The following BRPF3 variants were observed in gnomAD, a reference collection of about 807,000 sequenced individuals.
BRPF3 encodes bromodomain and PHD finger-containing protein 3.
BRPF3 carries 18 observed loss-of-function variants against 102.0 expected under a neutral mutation model. That is an observed-to-expected ratio of 0.18 (90% confidence interval 0.12 to 0.26). The LOEUF (loss-of-function observed/expected upper bound fraction) is 0.26, where lower values mean the gene tolerates loss of function less well. Ranked by LOEUF, BRPF3 falls within the 10% of genes least tolerant of loss-of-function variation. The pLI is 1.00. For synonymous variants in BRPF3, 570 were observed against 614.2 expected (o/e 0.93, Z 1.06); for missense variants, 1,147 against 1,567.8 (o/e 0.73, Z 4.53).
At chr6:36,227,797 G>T (rs1361128252) in intron 11 of BRPF3, among the ~76,000 whole-genome samples, 1 of 152,192 alleles carries the variant, frequency 6.6e-6, no homozygotes, top group Admixed American at 6.5e-5. Context: ...GGGTAAGGTG[G>T]TTCTTCCTTA....
At chr6:36,204,533 T>A in intron 2 of BRPF3, 125 bp from the exon 3 acceptor site, 1 of 1,078,074 alleles carries the variant, frequency 9.3e-7, no homozygotes, top group South Asian at 1.3e-5. Flanking sequence ...GGTGAGGTAT[T>A]TGGCCATTTT....
At chr6:36,208,136 G>T (rs1767969914) in intron 4 of BRPF3, among the ~76,000 whole-genome samples, 1 of 152,222 alleles carries the variant, frequency 6.6e-6, no homozygotes, top group African/African-American at 2.4e-5. Context: ...AAAGAGCTTA[G>T]AACAGTGCCT....
In BRPF3 at chr6:36,230,327, C is replaced by A; in HGVS notation, c.3435-99C>A. Reference sequence around the variant, plus strand: ...TTTGCTTCCCTCTGCCCTGTACCCTCTCCCTGGCTTTGCTGGTCCTGGCCA... The same window carrying A: ...TTTGCTTCCCTCTGCCCTGTACCCTATCCCTGGCTTTGCTGGTCCTGGCCA... On this transcript the variant is annotated intron_variant, in intron 12 of 12. Coordinates refer to ENST00000357641, the MANE Select transcript of BRPF3 (RefSeq NM_015695.3). The surrounding 1 kb of genome is among the most constrained non-coding windows in gnomAD (Gnocchi z 5.4). 1 of 1,259,882 alleles carries A rather than the reference C, an allele frequency of 7.9e-7. No individual in the cohort carries two copies. Among genetic ancestry groups the A allele is most frequent in the Non-Finnish European group, 1.1e-6 (1 of 884,422 alleles). 78.0% of individuals were successfully genotyped at this position (1,259,882 alleles called of 1,614,324 possible). A position where few individuals can be genotyped will look rare whatever the true frequency, so the allele number is the denominator to read the frequency against.
rs1339352480 is a variant in BRPF3, at chr6:36,210,051, G to T, written c.1866+136G>T. ...TGGGTCTGGCAAAGCTAGTAGACTT[G>T]CCCTTGATGAGGGGTCAGCAGGCCA... On this transcript the variant is annotated intron_variant, in intron 5 of 12. Transcript: ENST00000357641. This position sits in a 1 kb window ranked among gnomAD's most constrained non-coding sequence, Gnocchi z 4.7. The T allele has an allele frequency of 7.0e-7, 1 of 1,429,964 alleles. No individual in the cohort carries two copies. The highest frequency in any genetic ancestry group is 9.6e-7 in the Non-Finnish European group (1 of 1,041,252). 88.6% of individuals were successfully genotyped at this position (1,429,964 alleles called of 1,614,324 possible).
intron 10 of BRPF3, among the ~76,000 whole-genome samples, chr6:36,223,944 G>A (rs1228052066): frequency 6.6e-6 from 1 of 152,304 alleles, no homozygotes; most frequent in East Asian, 1.9e-4. Flanking sequence ...TGCATCAGTA[G>A]TATGTGATTG....
chr6:36,201,072 T>C lies in BRPF3; in HGVS notation c.750T>C (p.Pro250=), dbSNP rs943575689. The C allele has an allele frequency of 3.7e-6, 6 of 1,613,998 alleles. No individual in the cohort carries two copies. The African/African-American group carries it at 5.3e-5, about 14-fold the overall frequency. ...AGTGCTATGGCGTCCCATACATCCCTGAGGGCCAGTGGCTATGCCGCTGCT... is the reference window on the plus strand; with the variant it reads ...AGTGCTATGGCGTCCCATACATCCCCGAGGGCCAGTGGCTATGCCGCTGCT... The part of the protein sequence containing the change: ...HQECYGVPYI[P]EGQWLCRCCL... Residue 250 remains proline, a synonymous_variant, in exon 2 of 13, where the codon CCT becomes CCC. Coordinates refer to ENST00000357641, the MANE Select transcript of BRPF3 (RefSeq NM_015695.3). This position sits in a 1 kb window ranked among gnomAD's most constrained non-coding sequence, Gnocchi z 5.1.
chr6:36,204,640 C>T lies in BRPF3; in HGVS notation c.1449-18C>T, dbSNP rs772017988. The T allele has an allele frequency of 8.1e-6, 13 of 1,614,036 alleles. No homozygotes were observed. Among genetic ancestry groups the T allele is most frequent in the Admixed American group, 3.3e-5 (2 of 60,004 alleles). On this transcript the variant is annotated intron_variant, in intron 2 of 12. Coordinates refer to ENST00000357641, the MANE Select transcript of BRPF3 (RefSeq NM_015695.3). ...GCCCACTGACCTTGTCTTTCACTTC[C>T]GTGTGCCTCTACTCAAGGTTGAACA...
Position 36,210,527 on chromosome 6 carries a change from C to T in BRPF3, c.2178C>T (p.Asp726=), listed in dbSNP as rs760345228. The T allele has an allele frequency of 1.6e-5, 26 of 1,582,620 alleles. No individual in the cohort carries two copies. In the South Asian group the frequency reaches 1.7e-4, roughly 10 times the overall value. ...LEDFYRFSWE[D]VDNILIPENR... ...ACTTTTACCGCTTCTCCTGGGAAGA[C>T]GGTGAGAGGCCTGGATGGGTGGGGA... The change falls in exon 6 of 13, where the codon GAC becomes GAT. Residue 726 remains aspartate (D), a splice_region_variant and synonymous_variant. Transcript: ENST00000357641. This position sits in a 1 kb window ranked among gnomAD's most constrained non-coding sequence, Gnocchi z 4.7.
chr6:36,221,281 CTTTTTTTTTTTTT>C (rs35018880), intron 9 of BRPF3, among the ~76,000 whole-genome samples: 1 of 76,706 alleles, frequency 1.3e-5, no homozygotes, highest in Non-Finnish European at 2.6e-5. Context: ...AATTGGTCTA[CTTTTTTTTTTTTT>C]TTTTTTTTTT....
chr6:36,198,216 GTTTT>G (rs1174411272), intron 1 of BRPF3, among the ~76,000 whole-genome samples: 1 of 152,162 alleles, frequency 6.6e-6, no homozygotes, highest in Non-Finnish European at 1.5e-5. Flanking sequence ...AGCCAAATTG[GTTTT>G]TTGTTTGTTT....
Position 36,201,119 on chromosome 6 carries a change from C to A in BRPF3, c.797C>A (p.Pro266His), listed in dbSNP as rs371077662. 2 of 1,614,080 alleles carry A rather than the reference C, an allele frequency of 1.2e-6. No individual in the cohort carries two copies. The highest frequency in any genetic ancestry group is 1.6e-4 in the Middle Eastern group (1 of 6,084). Residue 266 changes from proline to histidine, a missense_variant, in exon 2 of 13, where the codon CCT becomes CAT. Pro to His is a moderately conservative substitution (Grantham distance 77, BLOSUM62 -2). Coordinates refer to ENST00000357641, the MANE Select transcript of BRPF3 (RefSeq NM_015695.3). This position sits in a 1 kb window ranked among gnomAD's most constrained non-coding sequence, Gnocchi z 5.1. The part of the protein sequence containing the change: ...CRCCLQSPSR[P>H]VDCILCPNKG... ...TGCTGCCTGCAGTCTCCCTCCCGGC[C>A]TGTGGATTGCATCCTTTGCCCCAAT...
At chr6:36,211,708 T>A in intron 7 of BRPF3, 148 bp downstream of exon 7, 1 of 869,542 alleles carries the variant, frequency 1.2e-6, no homozygotes, top group Non-Finnish European at 1.7e-6. Context: ...CACTTCCATG[T>A]ATACGCAGGG....
intron 9 of BRPF3, 59 bp downstream of exon 9, chr6:36,218,069 A>C: frequency 3.5e-6 from 5 of 1,435,510 alleles, no homozygotes; most frequent in Non-Finnish European, 3.9e-6. Context: ...TTTACTCTCC[A>C]TTCAGCTACA....
At chr6:36,211,633 T>G (rs1178306171) in intron 7 of BRPF3, 73 bp downstream of exon 7, 1 of 1,488,508 alleles carries the variant, frequency 6.7e-7, no homozygotes, top group Non-Finnish European at 9.0e-7. Flanking sequence ...AATATCATAA[T>G]GGGGGTATTC....
chr6:36,224,985 T>C (rs1384412259), intron 10 of BRPF3, among the ~76,000 whole-genome samples: 1 of 152,238 alleles, frequency 6.6e-6, no homozygotes, highest in African/African-American at 2.4e-5. Flanking sequence ...ATTGTGTGTG[T>C]GGCTGCTTTC....
At chr6:36,211,028 A>G (rs1241248786) in intron 6 of BRPF3, among the ~76,000 whole-genome samples, 1 of 152,188 alleles carries the variant, frequency 6.6e-6, no homozygotes, top group Non-Finnish European at 1.5e-5. Flanking sequence ...GGAGCCCATA[A>G]TCGTGACTGT....
At chr6:36,209,960 G>A (rs1446220023) in intron 5 of BRPF3, 45 bp downstream of exon 5, 10 of 1,609,062 alleles carry the variant, frequency 6.2e-6, no homozygotes, top group Non-Finnish European at 8.5e-6. Flanking sequence ...TCTTGAACTG[G>A]AACAGGGTCT....
intron 12 of BRPF3, among the ~76,000 whole-genome samples, chr6:36,229,969 G>A (rs1316942752): frequency 6.6e-6 from 1 of 152,134 alleles, no homozygotes; most frequent in Non-Finnish European, 1.5e-5. Context: ...TTCACCCGGG[G>A]AGCTTTAAAA....
intron 1 of BRPF3, among the ~76,000 whole-genome samples, chr6:36,199,567 A>G (rs1445809682): frequency 4.6e-5 from 7 of 152,182 alleles, no homozygotes; most frequent in Admixed American, 3.9e-4. Flanking sequence ...AGGTATTGGG[A>G]GAAGACTCTA....
Sources: gnomAD v4.1 joint callset for allele counts (sites outside exome capture counted in the v4.1 genomes callset) on GRCh38, gnomAD v4.1.1 for gene constraint, Gnocchi (gnomAD v3.1) non-coding constraint, MANE v1.5 for transcripts, NCBI Gene and HGNC (gene_info 2026-07-23, HGNC 2026-07-21) for gene names.